PGM5: variants seen among roughly 807,000 people sequenced by gnomAD.
PGM5 encodes the protein phosphoglucomutase 5.
A neutral mutation model predicts 59.2 loss-of-function variants in PGM5; 23 were observed. The observed-to-expected ratio is 0.39, with a 90% CI of 0.28 to 0.55. The LOEUF (loss-of-function observed/expected upper bound fraction) is 0.55, where lower values mean the gene tolerates loss of function less well. Ranked by LOEUF, PGM5 falls within the 20% of genes least tolerant of loss-of-function variation. The pLI, the probability that PGM5 is intolerant of heterozygous loss-of-function variation, is 0.66. For missense variants in PGM5, 574 were observed against 748.3 expected (o/e 0.77, Z 2.72); for synonymous variants, 214 against 286.0 (o/e 0.75, Z 2.54).
chr9:68,391,831 T>G (rs567431504), intron 5 of PGM5, 107 bp downstream of exon 5: 3 of 1,158,966 alleles, frequency 2.6e-6, no homozygotes, highest in Non-Finnish European at 2.5e-6. Context: ...GTATGGGACA[T>G]GTGTGCCCTA....
At chr9:68,491,658 A>C (rs1824392630) in intron 9 of PGM5, among the ~76,000 whole-genome samples, 1 of 152,326 alleles carries the variant, frequency 6.6e-6, no homozygotes, top group African/African-American at 2.4e-5. Context: ...TGTCCTCTGA[A>C]GGCCAAACGC....
chr9:68,445,450 A>G (rs1554683950), intron 6 of PGM5, among the ~76,000 whole-genome samples: 2 of 152,202 alleles, frequency 1.3e-5, no homozygotes, highest in African/African-American at 4.8e-5. Context: ...ACAACTGGAC[A>G]TACCCTTTGA....
intron 6 of PGM5, chr9:68,405,757 A>T: frequency 6.6e-6 from 1 of 152,182 alleles, no homozygotes; most frequent in Non-Finnish European, 1.5e-5. Context: ...AACCTTTTTT[A>T]GCCCCTTTTG....
At chr9:68,409,120 A>G (rs1311342700) in intron 6 of PGM5, among the ~76,000 whole-genome samples, 2 of 151,948 alleles carry the variant, frequency 1.3e-5, no homozygotes, top group Non-Finnish European at 2.9e-5. Context: ...AAACACATGA[A>G]AAAATGCTCA....
chr9:68,401,420 C>T (rs1300337988), intron 6 of PGM5, among the ~76,000 whole-genome samples: 7 of 152,120 alleles, frequency 4.6e-5, no homozygotes, highest in East Asian at 1.9e-4. Context: ...GATTCTGTCT[C>T]GGGAAGGGCA....
chr9:68,524,570 TG>T (rs1262652585), intron 10 of PGM5, among the ~76,000 whole-genome samples: 1 of 152,248 alleles, frequency 6.6e-6, no homozygotes, highest in Non-Finnish European at 1.5e-5. Context: ...AGGGTTATTT[TG>T]GAGTTTCCAG....
At chr9:68,475,743 AG>A (rs1824092472) in intron 7 of PGM5, among the ~76,000 whole-genome samples, 1 of 152,218 alleles carries the variant, frequency 6.6e-6, no homozygotes, top group Admixed American at 6.5e-5. Context: ...GTGTTACTAA[AG>A]ATTCTTGTTT....
chr9:68,415,805 A>G (rs868909633), intron 6 of PGM5, among the ~76,000 whole-genome samples: 75 of 69,408 alleles, frequency 1.1e-3, no homozygotes, highest in East Asian at 2.8e-3. Context: ...CTATCTATCT[A>G]TCTATCTATC....
chr9:68,360,026 C>T (rs1241566271), intron 1 of PGM5, among the ~76,000 whole-genome samples: 3 of 152,004 alleles, frequency 2.0e-5, no homozygotes, highest in Admixed American at 6.6e-5. Context: ...TGTGTTTTTA[C>T]TACTCATAGG....
intron 2 of PGM5, among the ~76,000 whole-genome samples, chr9:68,380,860 C>A (rs1390660342): frequency 6.6e-6 from 1 of 151,808 alleles, no homozygotes; most frequent in Non-Finnish European, 1.5e-5. Flanking sequence ...TCTAGAAAAA[C>A]TAACCCAACA....
intron 6 of PGM5, among the ~76,000 whole-genome samples, chr9:68,443,742 G>T (rs1165352001): frequency 1.3e-5 from 2 of 152,214 alleles, no homozygotes; most frequent in Non-Finnish European, 2.9e-5. Context: ...GTTCTGCCAA[G>T]TCAAACAGAA....
intron 6 of PGM5, among the ~76,000 whole-genome samples, chr9:68,446,606 G>A (rs1214681846): frequency 6.6e-6 from 1 of 152,196 alleles, no homozygotes; most frequent in Non-Finnish European, 1.5e-5. Flanking sequence ...ACGAAGGCTA[G>A]GAAAGGAGGG....
At chr9:68,485,799 C>T (rs1396686777) in intron 9 of PGM5, among the ~76,000 whole-genome samples, 1 of 152,124 alleles carries the variant, frequency 6.6e-6, no homozygotes, top group Non-Finnish European at 1.5e-5. Context: ...ATTCCAGGAC[C>T]CAGGTGATAT....
intron 6 of PGM5, among the ~76,000 whole-genome samples, chr9:68,449,417 T>G (rs1587813836): frequency 3.9e-5 from 6 of 152,020 alleles, no homozygotes; most frequent in African/African-American, 1.4e-4. Context: ...GCCTTTGGAG[T>G]CCCTGGAAAG....
chr9:68,515,445 T>C lies in PGM5; in HGVS notation c.1615-14122T>C, dbSNP rs182039866. Among the ~76,000 whole-genome samples the C allele has an allele frequency of 9.3e-4, 142 of 152,348 alleles. 1 individual carries two copies. Among genetic ancestry groups the C allele is most frequent in the African/African-American group, 2.8e-3 (115 of 41,586 alleles). Reference sequence around the variant, plus strand: ...AACTCTGCCACTCAGCTTTGCTCAATGTGGAAGTCCTTGCTAACTTCTTTA... The same window carrying C: ...AACTCTGCCACTCAGCTTTGCTCAACGTGGAAGTCCTTGCTAACTTCTTTA... On this transcript the variant is annotated intron_variant, in intron 10 of 10. Coordinates refer to ENST00000396396, the MANE Select transcript of PGM5 (RefSeq NM_021965.4).
intron 6 of PGM5, among the ~76,000 whole-genome samples, chr9:68,401,899 G>A (rs879946786): frequency 1.5e-5 from 1 of 68,006 alleles, no homozygotes; most frequent in Non-Finnish European, 3.5e-5. Flanking sequence ...ATGTGTGTGT[G>A]TGTGTGTGTG....
chr9:68,479,412 C>G lies in PGM5; in HGVS notation c.1160-6C>G. 1 of 1,604,170 alleles carries G rather than the reference C, an allele frequency of 6.2e-7. No individual in the cohort carries two copies. ...ATGCTCAGCAGAATTTTTCTTTCAC[C>G]TTTAGGCTCTGACCACCTCCGAGAG... On this transcript the variant is annotated splice_region_variant and splice_polypyrimidine_tract_variant and intron_variant, in intron 7 of 10. Coordinates refer to ENST00000396396, the MANE Select transcript of PGM5 (RefSeq NM_021965.4).
chr9:68,363,311 T>C lies in PGM5; in HGVS notation c.261+5923T>C, dbSNP rs1834617030. Among the ~76,000 whole-genome samples the C allele has an allele frequency of 3.9e-5, 6 of 152,430 alleles. No individual in the cohort carries two copies. The South Asian group carries it at 1.2e-3, about 32-fold the overall frequency. The stretch of plus-strand genomic sequence containing the variant: ...TAGCCATATGTGACTACTGAACACT[T>C]GAAATGTGGCTAGAGCAACTGAAGA... On this transcript the variant is annotated intron_variant, in intron 1 of 10. Transcript: ENST00000396396.
chr9:68,495,458 A>G (rs1554688088), intron 9 of PGM5, among the ~76,000 whole-genome samples: 1 of 152,230 alleles, frequency 6.6e-6, no homozygotes, highest in Non-Finnish European at 1.5e-5. Context: ...AAAGAATACA[A>G]GTTCCTTAGG....
Sources: allele counts gnomAD v4.1 joint callset (sites outside exome capture counted in the v4.1 genomes callset), GRCh38; gene constraint gnomAD v4.1.1; transcripts MANE v1.5; gene names NCBI Gene and HGNC (gene_info 2026-07-23, HGNC 2026-07-21).